Variants in EPHA6 observed in about 807,000 individuals in gnomAD.
EPHA6 encodes the protein ephrin type-A receptor 6.
A neutral mutation model predicts 112.0 loss-of-function variants in EPHA6; 50 were observed. That is an observed-to-expected ratio of 0.45 (90% CI 0.36 to 0.56). The LOEUF is 0.56. Among genes scored for constraint, EPHA6 ranks in the 20% least tolerant of loss-of-function variants. The pLI is 0.00. For synonymous variants in EPHA6, 529 were observed against 490.7 expected, an observed-to-expected ratio of 1.08 and a Z score of -1.03; for missense variants, 1,280 against 1,417.4, an observed-to-expected ratio of 0.90 and a Z score of 1.56.
At chr3:97,172,396 C>G (rs1430465141) in intron 3 of EPHA6, among the ~76,000 whole-genome samples, 2 of 151,936 alleles carry the variant, frequency 1.3e-5, no homozygotes, top group East Asian at 3.9e-4. Flanking sequence ...ATTTACTTTT[C>G]TATCCAGAAT....
intron 10 of EPHA6, among the ~76,000 whole-genome samples, chr3:97,489,767 T>A (rs1230257904): frequency 6.6e-6 from 1 of 152,096 alleles, no homozygotes; most frequent in African/African-American, 2.4e-5. Context: ...TATTTTTTGT[T>A]AAAAAACTCA....
chr3:97,427,526 G>A (rs139117369), intron 6 of EPHA6, among the ~76,000 whole-genome samples: 4 of 152,200 alleles, frequency 2.6e-5, no homozygotes, highest in African/African-American at 7.2e-5. Flanking sequence ...AACAGACACT[G>A]GGGCCTACTG....
intron 2 of EPHA6, among the ~76,000 whole-genome samples, chr3:96,914,031 A>G (rs1276249446): frequency 6.6e-6 from 1 of 152,148 alleles, no homozygotes; most frequent in East Asian, 1.9e-4. Context: ...GCGCCTAACG[A>G]TATGAATTTC....
intron 5 of EPHA6, among the ~76,000 whole-genome samples, chr3:97,357,369 G>A (rs1213807005): frequency 6.6e-6 from 1 of 152,032 alleles, no homozygotes; most frequent in Non-Finnish European, 1.5e-5. Flanking sequence ...ACCATGCCAA[G>A]CTAGTTTCTT....
intron 11 of EPHA6, among the ~76,000 whole-genome samples, chr3:97,541,326 C>A (rs933542022): frequency 6.6e-6 from 1 of 152,112 alleles, no homozygotes; most frequent in Non-Finnish European, 1.5e-5. Context: ...CTCATATAAC[C>A]TTCACTAACT....
At chr3:96,940,868 G>T (rs2040900233) in intron 2 of EPHA6, among the ~76,000 whole-genome samples, 1 of 152,138 alleles carries the variant, frequency 6.6e-6, no homozygotes, top group African/African-American at 2.4e-5. Context: ...AGCTTAGTTT[G>T]GCTGGATATG....
intron 10 of EPHA6, among the ~76,000 whole-genome samples, chr3:97,484,746 G>A (rs1388181444): frequency 1.3e-5 from 2 of 152,164 alleles, no homozygotes; most frequent in African/African-American, 2.4e-5. Context: ...GACTTGCAAG[G>A]CCCAAGTTCC....
intron 14 of EPHA6, among the ~76,000 whole-genome samples, chr3:97,712,449 G>A (rs573206104): frequency 6.6e-6 from 1 of 152,264 alleles, no homozygotes; most frequent in South Asian, 2.1e-4. Flanking sequence ...AGAAGTGATA[G>A]GTTGTTTTGA....
intron 14 of EPHA6, among the ~76,000 whole-genome samples, chr3:97,700,483 C>T (rs1432201037): frequency 6.6e-6 from 1 of 152,078 alleles, no homozygotes; most frequent in African/African-American, 2.4e-5. Flanking sequence ...GACAAGTGCC[C>T]ATCAGCTCTC....
chr3:97,404,877 C>T (rs1422438617), intron 5 of EPHA6, among the ~76,000 whole-genome samples: 1 of 152,004 alleles, frequency 6.6e-6, no homozygotes, highest in Non-Finnish European at 1.5e-5. Flanking sequence ...AGAAAAATAT[C>T]CTCCCCTAAT....
intron 1 of EPHA6, among the ~76,000 whole-genome samples, chr3:96,841,264 G>T (rs555734677): frequency 6.6e-6 from 1 of 152,074 alleles, no homozygotes; most frequent in Non-Finnish European, 1.5e-5. Flanking sequence ...TCCAAATGAG[G>T]CAATCAGATA....
intron 6 of EPHA6, among the ~76,000 whole-genome samples, chr3:97,432,947 C>T (rs897996784): frequency 6.6e-6 from 1 of 152,050 alleles, no homozygotes; most frequent in Non-Finnish European, 1.5e-5. Flanking sequence ...TTGGGTGGGA[C>T]CACAGAGCCA....
intron 3 of EPHA6, among the ~76,000 whole-genome samples, chr3:97,133,230 G>A (rs1459302007): frequency 2.0e-5 from 3 of 151,924 alleles, no homozygotes; most frequent in African/African-American, 4.8e-5. Context: ...ATGTATGTTT[G>A]GCCTGAAATA....
intron 3 of EPHA6, among the ~76,000 whole-genome samples, chr3:97,015,353 A>G (rs951874666): frequency 2.6e-5 from 4 of 152,184 alleles, no homozygotes; most frequent in Non-Finnish European, 5.9e-5. Context: ...CAGTAGTGGA[A>G]CTTTACCCCA....
chr3:97,335,518 T>A (rs1270818290), intron 5 of EPHA6, among the ~76,000 whole-genome samples: 2 of 152,194 alleles, frequency 1.3e-5, no homozygotes, highest in African/African-American at 4.8e-5. Flanking sequence ...CAATTTTCTT[T>A]TCTTTCTGAG....
intron 5 of EPHA6, among the ~76,000 whole-genome samples, chr3:97,264,979 C>T (rs1218378304): frequency 6.6e-6 from 1 of 152,170 alleles, no homozygotes; most frequent in Non-Finnish European, 1.5e-5. Context: ...TCCCAACGAG[C>T]GTTCAGCTCT....
chr3:97,643,959 C>T (rs1261778680), intron 14 of EPHA6, among the ~76,000 whole-genome samples: 2 of 151,190 alleles, frequency 1.3e-5, no homozygotes, highest in African/African-American at 4.9e-5. Flanking sequence ...CTACAGAACT[C>T]TCCACCCCAA....
At position 97,018,279 on chromosome 3, in the gene EPHA6, G is replaced by C. The variant is rs146149414; in HGVS notation, c.1114+30286G>C. Among the ~76,000 whole-genome samples the C allele has an allele frequency of 5.5e-3, 836 of 151,936 alleles. 7 individuals are homozygous for C. Among genetic ancestry groups the C allele is most frequent in the African/African-American group, 0.02 (814 of 41,422 alleles). On this transcript the variant is annotated intron_variant, in intron 3 of 17. Coordinates refer to ENST00000389672, the MANE Select transcript of EPHA6 (RefSeq NM_001080448.3). ...TGTAGGGACCAGCCCCACAGGGTCG[G>C]TGGGTCTCTCCCCATGTGCGGAGAC...
At chr3:97,016,159 C>A (rs1282443330) in intron 3 of EPHA6, among the ~76,000 whole-genome samples, 1 of 151,884 alleles carries the variant, frequency 6.6e-6, no homozygotes, top group East Asian at 1.9e-4. Flanking sequence ...TAGGTATGGG[C>A]TGCATTTTTT....
Sources: allele counts gnomAD v4.1 joint callset (sites outside exome capture counted in the v4.1 genomes callset), GRCh38; gene constraint gnomAD v4.1.1; transcripts MANE v1.5; gene names NCBI Gene and HGNC (gene_info 2026-07-23, HGNC 2026-07-21).